The following FGF12 variants were observed in gnomAD, a reference collection of about 807,000 sequenced individuals.
FGF12 encodes fibroblast growth factor 12.
A neutral mutation model predicts 23.6 loss-of-function variants in FGF12; 14 were observed. The ratio of observed to expected loss-of-function variants is 0.59; its 90% CI spans 0.39 to 0.93. The LOEUF is 0.93. FGF12 is among the 40% of genes least tolerant of loss of function. FGF12 has a pLI of 0.00. For missense variants in FGF12, 175 were observed against 217.8 expected (o/e 0.80, Z 1.24); for synonymous variants, 62 against 77.3 (o/e 0.80, Z 1.04).
intron 2 of FGF12, among the ~76,000 whole-genome samples, chr3:192,720,705 A>C (rs145293230): frequency 1.1e-3 from 166 of 152,306 alleles, no homozygotes; most frequent in African/African-American, 3.7e-3. Context: ...AGAGGGTGGT[A>C]ATAAAAGACA....
chr3:192,707,957 T>C (rs1206023561), intron 2 of FGF12, among the ~76,000 whole-genome samples: 3 of 151,616 alleles, frequency 2.0e-5, no homozygotes, highest in South Asian at 2.1e-4. Flanking sequence ...ATTATTATTA[T>C]TTATTTATTT....
At chr3:192,484,108 G>A (rs1363809141) in intron 2 of FGF12, among the ~76,000 whole-genome samples, 2 of 152,054 alleles carry the variant, frequency 1.3e-5, no homozygotes, top group Non-Finnish European at 2.9e-5. Flanking sequence ...CAGAGGCCCA[G>A]TTAAGTAGAT....
chr3:192,400,599 C>A (rs779284719), intron 2 of FGF12, among the ~76,000 whole-genome samples: 1 of 152,070 alleles, frequency 6.6e-6, no homozygotes, highest in Non-Finnish European at 1.5e-5. Flanking sequence ...GAACTCCTGA[C>A]GTTGTGATCC....
intron 2 of FGF12, among the ~76,000 whole-genome samples, chr3:192,433,005 T>C (rs950963011): frequency 6.6e-6 from 1 of 152,206 alleles, no homozygotes. Context: ...TTCTAGGGAA[T>C]GGTACCCTTC....
chr3:192,226,745 T>C (rs1577253924), intron 4 of FGF12, among the ~76,000 whole-genome samples: 3 of 152,196 alleles, frequency 2.0e-5, no homozygotes, highest in African/African-American at 7.2e-5. Flanking sequence ...AACTACAACA[T>C]ATCGTATACT....
At chr3:192,342,029 A>G (rs1342798566) in intron 3 of FGF12, among the ~76,000 whole-genome samples, 1 of 150,246 alleles carries the variant, frequency 6.7e-6, no homozygotes, top group Non-Finnish European at 1.5e-5. Flanking sequence ...AGTGACGAAC[A>G]TAACAGTTGT....
At chr3:192,303,894 T>A (rs1055593233) in intron 4 of FGF12, among the ~76,000 whole-genome samples, 1 of 152,220 alleles carries the variant, frequency 6.6e-6, no homozygotes, top group African/African-American at 2.4e-5. Flanking sequence ...AAATAAATAC[T>A]AACTGACATT....
At chr3:192,494,196 A>C (rs967824137) in intron 2 of FGF12, among the ~76,000 whole-genome samples, 1 of 152,166 alleles carries the variant, frequency 6.6e-6, no homozygotes. Flanking sequence ...TTCCTCTCGT[A>C]ACATCTTAGA....
At chr3:192,382,989 C>T (rs1719883685) in intron 2 of FGF12, among the ~76,000 whole-genome samples, 1 of 152,140 alleles carries the variant, frequency 6.6e-6, no homozygotes, top group Non-Finnish European at 1.5e-5. Context: ...ATGCCAGTGA[C>T]TAGTTTGTGA....
chr3:192,690,859 A>T (rs1284089961), intron 2 of FGF12, among the ~76,000 whole-genome samples: 2 of 152,032 alleles, frequency 1.3e-5, no homozygotes, highest in African/African-American at 2.4e-5. Flanking sequence ...TTTAGTGCAA[A>T]TGGAAACTTA....
chr3:192,418,135 T>G (rs1721411501), intron 2 of FGF12, among the ~76,000 whole-genome samples: 1 of 152,144 alleles, frequency 6.6e-6, no homozygotes, highest in Non-Finnish European at 1.5e-5. Flanking sequence ...CTCTCCACAT[T>G]GTAATTTTCT....
intron 2 of FGF12, among the ~76,000 whole-genome samples, chr3:192,498,911 T>C (rs1348137894): frequency 6.6e-6 from 1 of 152,222 alleles, no homozygotes; most frequent in Non-Finnish European, 1.5e-5. Context: ...GTAAACAGCA[T>C]CATAACAGAA....
At chr3:192,651,507 G>A (rs1020197607) in intron 2 of FGF12, among the ~76,000 whole-genome samples, 16 of 151,850 alleles carry the variant, frequency 1.1e-4, no homozygotes, top group African/African-American at 3.1e-4. Flanking sequence ...TTTTCCCCTC[G>A]CCTTTGAAGA....
chr3:192,344,448 A>C (rs1027994380), intron 3 of FGF12, among the ~76,000 whole-genome samples: 1 of 152,196 alleles, frequency 6.6e-6, no homozygotes, highest in Non-Finnish European at 1.5e-5. Flanking sequence ...CACTGTTAAG[A>C]ATGTAAACAT....
At chr3:192,591,699 G>A (rs1018383349) in intron 2 of FGF12, among the ~76,000 whole-genome samples, 11 of 151,938 alleles carry the variant, frequency 7.2e-5, no homozygotes, top group Non-Finnish European at 1.5e-4. Context: ...GTGAGTGACA[G>A]GAAAGGGGAT....
At chr3:192,596,676 G>A (rs1713868395) in intron 2 of FGF12, among the ~76,000 whole-genome samples, 1 of 152,146 alleles carries the variant, frequency 6.6e-6, no homozygotes, top group Non-Finnish European at 1.5e-5. Context: ...ATGCCATGAG[G>A]ATTTAGGATA....
chr3:192,674,035 A>G lies in FGF12; in HGVS notation c.13+53146T>C, dbSNP rs531090429. ...TTCAAAAGTTATTGCTAAGTGTTTT[A>G]TGACTAGACTCTCTTATTGAGTGAT... On this transcript the variant is annotated intron_variant, in intron 2 of 5. Coordinates refer to ENST00000445105, the MANE Select transcript of FGF12 (RefSeq NM_004113.6). Among the ~76,000 whole-genome samples, 23 of 151,258 alleles carry G rather than the reference A, an allele frequency of 1.5e-4. 1 individual carries two copies. The highest frequency in any genetic ancestry group is 4.1e-4 in the African/African-American group (17 of 41,508).
Position 192,442,062 on chromosome 3 carries a change from A to G in FGF12, c.14-81524T>C, listed in dbSNP as rs886276167. Among the ~76,000 whole-genome samples, 3 of 152,238 alleles carry G rather than the reference A, an allele frequency of 2.0e-5. No homozygotes were observed. In the South Asian group the frequency reaches 6.2e-4, roughly 32 times the overall value. The stretch of plus-strand genomic sequence containing the variant: ...ATAGATCAAAATTAGAGCATTGTTG[A>G]GTGAGACTTTCTTTTGCCCACAGGA... On this transcript the variant is annotated intron_variant, in intron 2 of 5. Coordinates refer to ENST00000445105, the MANE Select transcript of FGF12 (RefSeq NM_004113.6).
chr3:192,311,927 G>GTCTGTCTA (rs1182075683), intron 4 of FGF12, among the ~76,000 whole-genome samples: 180 of 145,462 alleles, frequency 1.2e-3, no homozygotes, highest in African/African-American at 4.2e-3. Context: ...TTGACTGTCT[G>GTCTGTCTA]TCTATCTATC....
Sources: gnomAD v4.1 joint callset for allele counts (sites outside exome capture counted in the v4.1 genomes callset) on GRCh38, gnomAD v4.1.1 for gene constraint, MANE v1.5 for transcripts, NCBI Gene and HGNC (gene_info 2026-07-23, HGNC 2026-07-21) for gene names.